Variants in NAALADL2 observed in about 807,000 individuals in gnomAD.
The protein encoded by NAALADL2 is N-acetylated alpha-linked acidic dipeptidase like 2, also known as inactive N-acetylated-alpha-linked acidic dipeptidase-like protein 2.
A neutral mutation model predicts 87.2 loss-of-function variants in NAALADL2; 76 were observed. That is an observed-to-expected ratio of 0.87 (90% CI 0.72 to 1.05). NAALADL2 has a LOEUF of 1.05. NAALADL2 is among the 50% of genes least tolerant of loss of function. NAALADL2 has a pLI of 0.00. For synonymous variants in NAALADL2, 354 were observed against 331.0 expected (o/e 1.07, Z -0.75); for missense variants, 1,089 against 945.8 (o/e 1.15, Z -1.99).
At chr3:175,790,818 CTTTCACACTTAAACTATCATTATTTACA>C (rs1449512326) in intron 13 of NAALADL2, among the ~76,000 whole-genome samples, 1 of 152,188 alleles carries the variant, frequency 6.6e-6, no homozygotes. Context: ...ATAACTCTTT[CTTTCACACTTAAACTATCATTATTTACA>C]TAATGCTAAT....
intron 9 of NAALADL2, among the ~76,000 whole-genome samples, chr3:175,537,647 G>A (rs182330271): frequency 1.3e-5 from 2 of 152,230 alleles, no homozygotes; most frequent in Admixed American, 1.3e-4. Flanking sequence ...ACCCTCTGCT[G>A]CCAGCTTCCC....
intron 3 of NAALADL2, among the ~76,000 whole-genome samples, chr3:175,236,406 G>C (rs1016445591): frequency 5.9e-5 from 9 of 151,682 alleles, no homozygotes; most frequent in Admixed American, 1.3e-4. Flanking sequence ...AAAATTAACC[G>C]GGCCCGGTGG....
rs565683274 is a variant in NAALADL2 at position 175,708,825 on chromosome 3, T to TA, written c.1897-28467dup. ...TCTCCTACCTTTTATACCCAGAGAA[T>TA]AAAAAAAAAAAAAATGGAAGAGAAG... is the stretch of plus-strand genomic sequence containing the variant. On this transcript the variant is annotated intron_variant, in intron 11 of 13. Transcript: ENST00000454872. 7.6e-3 allele frequency among the ~76,000 whole-genome samples: 1,018 copies of TA among 134,610 alleles called. 10 individuals carry two copies. Among genetic ancestry groups the TA allele is most frequent in the African/African-American group, 0.02 (785 of 38,466 alleles). 88.3% of individuals were successfully genotyped at this position (134,610 alleles called of 152,430 possible).
intron 1 of NAALADL2, among the ~76,000 whole-genome samples, chr3:174,441,864 T>C (rs1473278562): frequency 1.3e-5 from 2 of 152,102 alleles, no homozygotes; most frequent in East Asian, 3.9e-4. Flanking sequence ...CTGTCTTTAT[T>C]TACTAGGGCT....
chr3:175,114,905 C>T (rs2108518080), intron 2 of NAALADL2, among the ~76,000 whole-genome samples: 1 of 151,716 alleles, frequency 6.6e-6, no homozygotes, highest in African/African-American at 2.4e-5. Flanking sequence ...AAGCAAATCA[C>T]AAAAGAAAAC....
At chr3:174,987,577 A>AT (rs1195344755) in intron 1 of NAALADL2, among the ~76,000 whole-genome samples, 2 of 117,402 alleles carry the variant, frequency 1.7e-5, no homozygotes, top group African/African-American at 9.8e-5. Context: ...TCAAAAAAAA[A>AT]AAAAAAAAAA....
intron 5 of NAALADL2, among the ~76,000 whole-genome samples, chr3:175,366,371 C>G (rs947883124): frequency 1.6e-4 from 25 of 151,808 alleles, no homozygotes; most frequent in Non-Finnish European, 3.5e-4. Flanking sequence ...TGGGTATATA[C>G]CCAGTAATGG....
At chr3:175,007,419 G>C (rs1322144190) in intron 1 of NAALADL2, among the ~76,000 whole-genome samples, 1 of 152,188 alleles carries the variant, frequency 6.6e-6, no homozygotes, top group Non-Finnish European at 1.5e-5. Context: ...GCTATCTTCA[G>C]GCATGGGAGT....
intron 5 of NAALADL2, among the ~76,000 whole-genome samples, chr3:175,360,158 C>G (rs192458314): frequency 7.8e-4 from 118 of 152,190 alleles, no homozygotes; most frequent in African/African-American, 2.6e-3. Flanking sequence ...GCTTGTATGA[C>G]TATGTAAAGC....
Position 175,361,645 on chromosome 3 carries a change from T to G in NAALADL2, c.1090+37320T>G, listed in dbSNP as rs201271820. Among the ~76,000 whole-genome samples the G allele has an allele frequency of 5.4e-5, 8 of 148,494 alleles. 1 individual carries two copies. Among genetic ancestry groups the G allele is most frequent in the African/African-American group, 1.2e-4 (5 of 40,980 alleles). ...ATGATGAGCATTTTTTCATGTGTCT[T>G]TTGGTTGCATAAATGTCTTCTTTTG... On this transcript the variant is annotated intron_variant, in intron 5 of 13. Transcript: ENST00000454872.
rs1411686917 is a variant in NAALADL2, at chr3:175,805,983, G to C, written c.*2780G>C. 1 of 151,832 alleles carries C rather than the reference G, an allele frequency of 6.6e-6. No homozygotes were observed. Among genetic ancestry groups the C allele is most frequent in the Non-Finnish European group, 1.5e-5 (1 of 67,874 alleles). 9.4% of individuals were successfully genotyped at this position (151,832 alleles called of 1,614,324 possible). On this transcript the variant is annotated 3_prime_UTR_variant, in exon 14 of 14. Transcript: ENST00000454872. ...TAAACCCAAAGTGAGTAAGAAACTT[G>C]GACATAGTCATGTATTTAGTTAGTA... is the stretch of plus-strand genomic sequence containing the variant.
intron 13 of NAALADL2, among the ~76,000 whole-genome samples, chr3:175,787,897 T>C (rs1446430263): frequency 1.3e-5 from 2 of 152,168 alleles, no homozygotes; most frequent in Admixed American, 6.5e-5. Flanking sequence ...TAATTTATTA[T>C]TGAAGAAATA....
intron 5 of NAALADL2, among the ~76,000 whole-genome samples, chr3:175,365,673 T>C (rs1374488013): frequency 6.8e-6 from 1 of 147,108 alleles, no homozygotes; most frequent in Non-Finnish European, 1.5e-5. Context: ...TTGAGTGTGA[T>C]GAGATGGAAC....
chr3:174,794,024 C>T (rs1284620341), intron 3 of NAALADL2, among the ~76,000 whole-genome samples: 1 of 152,022 alleles, frequency 6.6e-6, no homozygotes. Context: ...AAAAATCCTT[C>T]CATTACAAGT....
intron 5 of NAALADL2, among the ~76,000 whole-genome samples, chr3:175,354,451 CAG>C (rs1764118739): frequency 1.3e-5 from 2 of 152,004 alleles, no homozygotes; most frequent in South Asian, 2.1e-4. Flanking sequence ...GAAATAAAGA[CAG>C]AAGAAAATAT....
intron 2 of NAALADL2, among the ~76,000 whole-genome samples, chr3:175,146,866 C>A (rs2108758297): frequency 6.6e-6 from 1 of 151,984 alleles, no homozygotes; most frequent in South Asian, 2.1e-4. Context: ...TTACTAACGT[C>A]ATTCAGGTAC....
intron 4 of NAALADL2, 131 bp from the exon 5 acceptor site, chr3:175,324,043 AG>A (rs199613001): frequency 0.024 from 11,473 of 470,046 alleles, 40 homozygotes; most frequent in East Asian, 0.091. Context: ...AAAAAAAAAA[AG>A]AAAAAGAAAA....
chr3:174,561,304 A>G (rs1281902163), intron 2 of NAALADL2, among the ~76,000 whole-genome samples: 2 of 148,366 alleles, frequency 1.3e-5, no homozygotes, highest in African/African-American at 2.5e-5. Context: ...GGTTCAAGCT[A>G]TTCTCCTATC....
chr3:175,501,443 A>ACACACACACACACACACACAC (rs1560661514), intron 9 of NAALADL2, among the ~76,000 whole-genome samples: 1 of 151,794 alleles, frequency 6.6e-6, no homozygotes, highest in Non-Finnish European at 1.5e-5. Context: ...ACACACACAC[A>ACACACACACACACACACACAC]AAGGCAGCAT....
Sources: gnomAD v4.1 joint callset for allele counts (sites outside exome capture counted in the v4.1 genomes callset) on GRCh38, gnomAD v4.1.1 for gene constraint, MANE v1.5 for transcripts, NCBI Gene and HGNC (gene_info 2026-07-23, HGNC 2026-07-21) for gene names.